The following GRID2 variants were observed in gnomAD, a reference collection of about 807,000 sequenced individuals.
GRID2 encodes the protein glutamate receptor ionotropic, delta-2.
A neutral mutation model predicts 114.8 loss-of-function variants in GRID2; 33 were observed. That is an observed-to-expected ratio of 0.29 (90% CI 0.22 to 0.38). The LOEUF is 0.38. Among genes scored for constraint, GRID2 ranks in the 10% least tolerant of loss-of-function variants. The pLI is 1.00. For missense variants in GRID2, 1,184 were observed against 1,257.7 expected (o/e 0.94, Z 0.89); for synonymous variants, 505 against 449.9 (o/e 1.12, Z -1.55).
At chr4:92,810,784 C>T (rs1740629834) in intron 2 of GRID2, among the ~76,000 whole-genome samples, 1 of 151,908 alleles carries the variant, frequency 6.6e-6, no homozygotes, top group Admixed American at 6.6e-5. Flanking sequence ...ATTTTTATTT[C>T]GTACTTATTT....
At chr4:93,391,733 A>G (rs1764872081) in intron 8 of GRID2, among the ~76,000 whole-genome samples, 1 of 152,182 alleles carries the variant, frequency 6.6e-6, no homozygotes, top group South Asian at 2.1e-4. Context: ...GGCAAATAAG[A>G]AGTGGAAACA....
intron 13 of GRID2, among the ~76,000 whole-genome samples, chr4:93,599,098 A>G (rs754655557): frequency 4.2e-4 from 64 of 152,236 alleles, no homozygotes; most frequent in Non-Finnish European, 8.2e-4. Flanking sequence ...ATTTAAAACC[A>G]GGAAATGATA....
At chr4:92,665,141 T>G (rs1323725527) in intron 2 of GRID2, among the ~76,000 whole-genome samples, 3 of 151,128 alleles carry the variant, frequency 2.0e-5, no homozygotes, top group Non-Finnish European at 4.5e-5. Flanking sequence ...TTAATTGATT[T>G]CTTTTGTAGA....
intron 8 of GRID2, among the ~76,000 whole-genome samples, chr4:93,315,702 G>T (rs568374539): frequency 6.6e-6 from 1 of 152,180 alleles, no homozygotes; most frequent in Admixed American, 6.6e-5. Flanking sequence ...TGGAATGAAT[G>T]AATTAATGAA....
chr4:92,484,334 A>C (rs570195189), intron 1 of GRID2, among the ~76,000 whole-genome samples: 1 of 152,270 alleles, frequency 6.6e-6, no homozygotes, highest in East Asian at 1.9e-4. Flanking sequence ...GAAAGTTAGT[A>C]ACTATAAAAA....
intron 2 of GRID2, among the ~76,000 whole-genome samples, chr4:93,077,164 T>G (rs1729408728): frequency 6.6e-6 from 1 of 152,116 alleles, no homozygotes; most frequent in Non-Finnish European, 1.5e-5. Context: ...CAGTAGATAT[T>G]TCAAAAAAGA....
At chr4:92,311,319 A>C (rs1188756501) in intron 1 of GRID2, among the ~76,000 whole-genome samples, 1 of 152,054 alleles carries the variant, frequency 6.6e-6, no homozygotes, top group Middle Eastern at 3.2e-3. Context: ...CTCCTGCTTC[A>C]GGTTTTTATG....
intron 8 of GRID2, among the ~76,000 whole-genome samples, chr4:93,378,819 A>T (rs1259227328): frequency 6.6e-6 from 1 of 152,052 alleles, no homozygotes; most frequent in Non-Finnish European, 1.5e-5. Context: ...CTTTGGAGAA[A>T]GGTTACAGTT....
intron 2 of GRID2, among the ~76,000 whole-genome samples, chr4:93,020,828 T>A (rs1723206598): frequency 6.6e-6 from 1 of 151,386 alleles, no homozygotes; most frequent in South Asian, 2.1e-4. Context: ...AGTTCAGGAG[T>A]TCGAGACCAG....
intron 2 of GRID2, among the ~76,000 whole-genome samples, chr4:92,661,344 T>C (rs551049697): frequency 8.4e-4 from 127 of 151,044 alleles, no homozygotes; most frequent in Middle Eastern, 3.4e-3. Context: ...TAAGATTTCA[T>C]TTTCCTAAAT....
At chr4:92,944,487 C>G (rs972309043) in intron 2 of GRID2, among the ~76,000 whole-genome samples, 6 of 152,232 alleles carry the variant, frequency 3.9e-5, no homozygotes, top group Non-Finnish European at 7.3e-5. Flanking sequence ...CTTTCTTTGA[C>G]TAGGAAAGGG....
At chr4:92,750,158 G>GC (rs1288378825) in intron 2 of GRID2, among the ~76,000 whole-genome samples, 1 of 152,132 alleles carries the variant, frequency 6.6e-6, no homozygotes, top group Non-Finnish European at 1.5e-5. Flanking sequence ...ACCGCACCTG[G>GC]CCCGGGCGCC....
chr4:93,501,295 G>A (rs1311757156), intron 12 of GRID2, among the ~76,000 whole-genome samples: 1 of 151,996 alleles, frequency 6.6e-6, no homozygotes, highest in Non-Finnish European at 1.5e-5. Context: ...TCACTCTTCA[G>A]TCTTCCAGTA....
At chr4:92,750,010 C>T (rs776016497) in intron 2 of GRID2, among the ~76,000 whole-genome samples, 3 of 152,072 alleles carry the variant, frequency 2.0e-5, no homozygotes, top group Non-Finnish European at 2.9e-5. Context: ...TACAGGCATA[C>T]GCCACCAAGC....
intron 1 of GRID2, among the ~76,000 whole-genome samples, chr4:92,498,904 A>C (rs1723529731): frequency 7.1e-6 from 1 of 141,662 alleles, no homozygotes; most frequent in Non-Finnish European, 1.5e-5. Context: ...ATCATGTAGG[A>C]AATGAGACAA....
intron 8 of GRID2, among the ~76,000 whole-genome samples, chr4:93,242,562 A>G (rs2149518337): frequency 6.6e-6 from 1 of 152,216 alleles, no homozygotes; most frequent in South Asian, 2.1e-4. Flanking sequence ...TAAAATCTAA[A>G]CTGAACATGA....
chr4:93,014,898 A>G (rs955480555), intron 2 of GRID2, among the ~76,000 whole-genome samples: 6 of 152,150 alleles, frequency 3.9e-5, no homozygotes, highest in Non-Finnish European at 8.8e-5. Flanking sequence ...TCTATTCCAT[A>G]TCTATTTAAT....
intron 1 of GRID2, among the ~76,000 whole-genome samples, chr4:92,574,023 C>A (rs766642022): frequency 1.3e-5 from 2 of 152,162 alleles, no homozygotes; most frequent in Non-Finnish European, 2.9e-5. Context: ...AGATAGTTAG[C>A]TGTTCTTGTT....
intron 4 of GRID2, among the ~76,000 whole-genome samples, chr4:93,128,887 G>A (rs751515932): frequency 2.6e-5 from 4 of 152,094 alleles, no homozygotes; most frequent in Non-Finnish European, 5.9e-5. Context: ...TAGAACTTAC[G>A]CTTTGCATTT....
Sources: gnomAD v4.1 joint callset for allele counts (sites outside exome capture counted in the v4.1 genomes callset) on GRCh38, gnomAD v4.1.1 for gene constraint, MANE v1.5 for transcripts, NCBI Gene and HGNC (gene_info 2026-07-23, HGNC 2026-07-21) for gene names.